The following AGBL4 variants were observed in gnomAD, a reference collection of about 807,000 sequenced individuals.
AGBL4 encodes AGBL carboxypeptidase 4, also known as cytosolic carboxypeptidase 6.
Under a neutral mutation model 66.4 loss-of-function variants are expected in AGBL4, and 58 were observed. That is an observed-to-expected ratio of 0.87 (90% CI 0.71 to 1.09). The LOEUF (loss-of-function observed/expected upper bound fraction) is 1.09, where lower values mean the gene tolerates loss of function less well. Among genes scored for constraint, AGBL4 ranks in the 50% least tolerant of loss-of-function variants. The pLI is 0.00. For missense variants in AGBL4, 579 were observed against 631.0 expected, an observed-to-expected ratio of 0.92 and a Z score of 0.88; for synonymous variants, 234 against 222.9, an observed-to-expected ratio of 1.05 and a Z score of -0.44.
chr1:49,426,141 A>G (rs1414363435), intron 3 of AGBL4, among the ~76,000 whole-genome samples: 1 of 152,190 alleles, frequency 6.6e-6, no homozygotes, highest in African/African-American at 2.4e-5. Context: ...GCATATTGAA[A>G]TATTTATGGA....
At chr1:49,128,874 A>C (rs892427961) in intron 4 of AGBL4, among the ~76,000 whole-genome samples, 4 of 152,188 alleles carry the variant, frequency 2.6e-5, no homozygotes, top group African/African-American at 9.6e-5. Context: ...AAAATGGACT[A>C]TATAAAAATT....
At chr1:48,840,490 G>T (rs1167699126) in intron 6 of AGBL4, among the ~76,000 whole-genome samples, 1 of 152,136 alleles carries the variant, frequency 6.6e-6, no homozygotes, top group African/African-American at 2.4e-5. Context: ...AGCTTAAAAT[G>T]AATTTATGTA....
intron 4 of AGBL4, among the ~76,000 whole-genome samples, chr1:49,152,450 G>C (rs1176920468): frequency 6.6e-5 from 10 of 152,128 alleles, no homozygotes; most frequent in African/African-American, 2.4e-5. Context: ...CGCCCACCAA[G>C]TTAGTAATCT....
rs191221490 is a variant in AGBL4, at chr1:49,303,911, T to A, written c.283-58047A>T. Among the ~76,000 whole-genome samples the A allele has an allele frequency of 1.7e-3, 255 of 152,320 alleles. 1 individual carries two copies. Among genetic ancestry groups the A allele is most frequent in the Middle Eastern group, 0.01 (3 of 294 alleles). ...TGTCAGATTGATAGATTGCAAAAATTTTCTCTGATTCTGTAGGTTGCCTGT... is the reference window on the plus strand; with the variant it reads ...TGTCAGATTGATAGATTGCAAAAATATTCTCTGATTCTGTAGGTTGCCTGT... On this transcript the variant is annotated intron_variant, in intron 3 of 13. Coordinates refer to ENST00000371839, the MANE Select transcript of AGBL4 (RefSeq NM_032785.4).
chr1:49,513,018 C>T (rs2148787234), intron 3 of AGBL4, among the ~76,000 whole-genome samples: 1 of 152,038 alleles, frequency 6.6e-6, no homozygotes, highest in South Asian at 2.1e-4. Flanking sequence ...AATAACTATC[C>T]CCATGTTACA....
intron 9 of AGBL4, among the ~76,000 whole-genome samples, chr1:48,604,261 G>A (rs1284584697): frequency 6.6e-6 from 1 of 152,198 alleles, no homozygotes; most frequent in Non-Finnish European, 1.5e-5. Context: ...ACCTAAGTTT[G>A]GACTGATTCC....
At chr1:48,622,362 G>A (rs1645427872) in intron 9 of AGBL4, among the ~76,000 whole-genome samples, 1 of 151,562 alleles carries the variant, frequency 6.6e-6, no homozygotes, top group African/African-American at 2.4e-5. Context: ...CGGAGCCCTT[G>A]TCTATCATTA....
chr1:49,440,069 C>CTTTT (rs34024621), intron 3 of AGBL4, among the ~76,000 whole-genome samples: 3 of 123,540 alleles, frequency 2.4e-5, no homozygotes, highest in African/African-American at 6.3e-5. Flanking sequence ...AAGGACTCTA[C>CTTTT]TTTTTTTTTT....
intron 1 of AGBL4, among the ~76,000 whole-genome samples, chr1:49,868,422 A>T (rs1646759170): frequency 1.3e-5 from 2 of 152,162 alleles, no homozygotes; most frequent in South Asian, 4.1e-4. Flanking sequence ...ACTGGTACAA[A>T]AACAGGCCAA....
chr1:48,823,970 GGTGTGTGT>G (rs3043321), intron 6 of AGBL4, among the ~76,000 whole-genome samples: 1 of 150,714 alleles, frequency 6.6e-6, no homozygotes, highest in African/African-American at 2.4e-5. Context: ...TGGGACAAAA[GGTGTGTGT>G]GTGTGTGTGT....
chr1:49,434,287 G>T (rs1645851612), intron 3 of AGBL4, among the ~76,000 whole-genome samples: 1 of 152,048 alleles, frequency 6.6e-6, no homozygotes, highest in Non-Finnish European at 1.5e-5. Context: ...GATTGGTGGA[G>T]CAAAGGTCTT....
intron 8 of AGBL4, among the ~76,000 whole-genome samples, chr1:48,645,852 A>T (rs2148430740): frequency 6.6e-6 from 1 of 152,288 alleles, no homozygotes; most frequent in African/African-American, 2.4e-5. Context: ...GAGCACGTTC[A>T]GAGGACAGCG....
chr1:48,936,960 C>A (rs1431594803), intron 5 of AGBL4, among the ~76,000 whole-genome samples: 2 of 152,138 alleles, frequency 1.3e-5, no homozygotes, highest in African/African-American at 4.8e-5. Context: ...ATCTTTTATA[C>A]CCATGAAGAA....
intron 3 of AGBL4, among the ~76,000 whole-genome samples, chr1:49,287,236 G>T (rs1361843745): frequency 3.5e-4 from 48 of 137,986 alleles, no homozygotes; most frequent in Non-Finnish European, 2.7e-4. Flanking sequence ...AGACTTAAAC[G>T]TTAGACCTAA....
intron 11 of AGBL4, among the ~76,000 whole-genome samples, chr1:48,560,994 T>C (rs540214001): frequency 4.6e-5 from 7 of 152,362 alleles, no homozygotes; most frequent in African/African-American, 1.2e-4. Context: ...TTCTCCTCCA[T>C]AGTGACCCTG....
chr1:48,991,052 G>A (rs12129217), intron 5 of AGBL4, among the ~76,000 whole-genome samples: 152 of 152,196 alleles, frequency 1.0e-3, no homozygotes, highest in Non-Finnish European at 1.7e-3. Context: ...TGTACTTACT[G>A]TTACCAATGA....
chr1:49,672,921 C>CAAAAAA (rs60612868), intron 3 of AGBL4, among the ~76,000 whole-genome samples: 56 of 46,732 alleles, frequency 1.2e-3, no homozygotes, highest in Non-Finnish European at 1.6e-3. Context: ...AACTCCATCT[C>CAAAAAA]AAAAAAAAAA....
intron 12 of AGBL4, among the ~76,000 whole-genome samples, chr1:48,535,549 C>T (rs563644971): frequency 1.3e-5 from 2 of 152,114 alleles, no homozygotes; most frequent in African/African-American, 2.4e-5. Flanking sequence ...TAGAAATGAA[C>T]TTTCTGTCTT....
chr1:49,787,798 C>G (rs769316712), intron 2 of AGBL4, among the ~76,000 whole-genome samples: 2 of 152,122 alleles, frequency 1.3e-5, no homozygotes, highest in African/African-American at 2.4e-5. Flanking sequence ...CCTAATTCCT[C>G]CAACAATGAA....
Sources: gnomAD v4.1 joint callset for allele counts (sites outside exome capture counted in the v4.1 genomes callset) on GRCh38, gnomAD v4.1.1 for gene constraint, MANE v1.5 for transcripts, NCBI Gene and HGNC (gene_info 2026-07-23, HGNC 2026-07-21) for gene names.